Variants in SPON1 observed in about 807,000 individuals in gnomAD.
The protein encoded by SPON1 is spondin-1.
In SPON1, 52 loss-of-function variants were observed where a neutral mutation model predicts 111.7. The ratio of observed to expected loss-of-function variants is 0.47; its 90% CI spans 0.37 to 0.59. The LOEUF (loss-of-function observed/expected upper bound fraction) is 0.59, where lower values mean the gene tolerates loss of function less well. Among genes scored for constraint, SPON1 ranks in the 20% least tolerant of loss-of-function variants. The pLI, the probability that SPON1 is intolerant of heterozygous loss-of-function variation, is 0.00. For synonymous variants in SPON1, 410 were observed against 395.8 expected (o/e 1.04, Z -0.43); for missense variants, 957 against 1,068.5 (o/e 0.90, Z 1.46).
intron 2 of SPON1, among the ~76,000 whole-genome samples, chr11:13,998,266 C>T (rs1368254423): frequency 2.0e-5 from 3 of 152,128 alleles, no homozygotes; most frequent in African/African-American, 7.2e-5. Context: ...ACTAAGCCAC[C>T]AAAGGCCTGT....
At chr11:14,241,199 T>C (rs1252389459) in intron 6 of SPON1, among the ~76,000 whole-genome samples, 2 of 152,186 alleles carry the variant, frequency 1.3e-5, no homozygotes, top group Non-Finnish European at 1.5e-5. Flanking sequence ...GTAGACTGTG[T>C]TCAACATTTA....
intron 6 of SPON1, among the ~76,000 whole-genome samples, chr11:14,227,866 T>C (rs782046019): frequency 9.9e-5 from 15 of 152,218 alleles, no homozygotes; most frequent in Non-Finnish European, 1.6e-4. Context: ...ACCTGCGTAA[T>C]GTATAGATCT....
At chr11:14,141,730 T>C (rs1409332894) in intron 6 of SPON1, among the ~76,000 whole-genome samples, 13 of 152,234 alleles carry the variant, frequency 8.5e-5, no homozygotes, top group African/African-American at 2.4e-4. Flanking sequence ...CTTTAAATCA[T>C]TGGAGATGAC....
At chr11:14,152,773 T>C (rs2133869134) in intron 6 of SPON1, among the ~76,000 whole-genome samples, 1 of 152,320 alleles carries the variant, frequency 6.6e-6, no homozygotes, top group South Asian at 2.1e-4. Context: ...CATTCAAGAA[T>C]CAATGCAAAT....
chr11:14,025,900 G>A (rs2012072), intron 2 of SPON1, among the ~76,000 whole-genome samples: 45,185 of 152,032 alleles, frequency 0.3, 7,932 homozygotes, highest in South Asian at 0.5. Context: ...TTGTTCCTTT[G>A]CCTGTTTCTC....
At chr11:14,057,844 C>CAAAACAAAAAA (rs1554919409) in intron 3 of SPON1, among the ~76,000 whole-genome samples, 15,401 of 125,188 alleles carry the variant, frequency 0.12, 1,401 homozygotes, top group Middle Eastern at 0.18. Flanking sequence ...AAAAAAAAAA[C>CAAAACAAAAAA]AAAACAAAAA....
intron 6 of SPON1, among the ~76,000 whole-genome samples, chr11:14,139,709 A>ATATATAT (rs1847630328): frequency 3.4e-5 from 5 of 145,406 alleles, no homozygotes; most frequent in Admixed American, 3.4e-4. Context: ...AAACATGTAA[A>ATATATAT]ATATATATAT....
At chr11:14,239,984 T>C (rs1848907969) in intron 6 of SPON1, among the ~76,000 whole-genome samples, 1 of 152,238 alleles carries the variant, frequency 6.6e-6, no homozygotes, top group Non-Finnish European at 1.5e-5. Flanking sequence ...GCTTCACATT[T>C]TGATCACTCC....
chr11:14,173,223 C>T (rs1161873056), intron 6 of SPON1, among the ~76,000 whole-genome samples: 1 of 152,006 alleles, frequency 6.6e-6, no homozygotes, highest in African/African-American at 2.4e-5. Flanking sequence ...AACTTCTCTT[C>T]TCACTTCATT....
intron 2 of SPON1, among the ~76,000 whole-genome samples, chr11:13,987,104 G>T (rs1848191422): frequency 6.6e-6 from 1 of 152,156 alleles, no homozygotes; most frequent in African/African-American, 2.4e-5. Flanking sequence ...GGGTCAAATG[G>T]TATTTCTAGA....
chr11:14,138,778 G>T lies in SPON1; in HGVS notation c.825+3210G>T, dbSNP rs183239346. 4.5e-4 allele frequency among the ~76,000 whole-genome samples: 68 copies of T among 152,258 alleles called. 1 individual carries two copies. Among genetic ancestry groups the T allele is most frequent in the Admixed American group, 4.2e-3 (64 of 15,290 alleles). On this transcript the variant is annotated intron_variant, in intron 6 of 15. Coordinates refer to ENST00000576479, the MANE Select transcript of SPON1 (RefSeq NM_006108.4). ...TTTCTGGCATGTTTACTAAGTGTCT[G>T]GTTCTCTGCTGGATGCTGGCCCAAA...
chr11:14,213,418 C>G (rs535201712), intron 6 of SPON1, among the ~76,000 whole-genome samples: 1 of 150,712 alleles, frequency 6.6e-6, no homozygotes, highest in African/African-American at 2.4e-5. Flanking sequence ...ATGTTTAACT[C>G]TCCTGCTTAA....
intron 9 of SPON1, 134 bp downstream of exon 9, chr11:14,255,921 C>A: frequency 1.1e-6 from 1 of 951,620 alleles, no homozygotes; most frequent in Non-Finnish European, 1.5e-6. Context: ...TGGGCCTCCC[C>A]AGGTTTCTAA....
At position 14,086,785 on chromosome 11, in the gene SPON1, T is replaced by TTTGG. The variant is rs574932724; in HGVS notation, c.676+6770_676+6773dup. On this transcript the variant is annotated intron_variant, in intron 5 of 15. Transcript: ENST00000576479. ...TGAATCCGTCTGGTCCTGGGCTTTT[T>TTTGG]TTGGTTGGTAGGCTATTAATTAATG... 2.0e-5 allele frequency among the ~76,000 whole-genome samples: 3 copies of TTTGG among 152,314 alleles called. No homozygotes were observed. The South Asian group carries it at 6.2e-4, about 32-fold the overall frequency.
intron 2 of SPON1, among the ~76,000 whole-genome samples, chr11:14,003,845 C>T (rs1554912765): frequency 6.6e-6 from 1 of 152,208 alleles, no homozygotes; most frequent in African/African-American, 2.4e-5. Context: ...TACAATTTTT[C>T]ATCCTCATGC....
intron 1 of SPON1, among the ~76,000 whole-genome samples, chr11:13,977,884 T>C (rs1330749574): frequency 6.6e-6 from 1 of 152,192 alleles, no homozygotes; most frequent in African/African-American, 2.4e-5. Context: ...TACCTTTTTC[T>C]GCATGGTCAT....
chr11:14,245,408 C>A (rs1848978178), intron 7 of SPON1, among the ~76,000 whole-genome samples: 1 of 152,204 alleles, frequency 6.6e-6, no homozygotes, highest in Non-Finnish European at 1.5e-5. Flanking sequence ...CAGGTTTTCC[C>A]TTTGCACAAG....
At chr11:14,161,287 T>TTATATATATCTA (rs1847959630) in intron 6 of SPON1, among the ~76,000 whole-genome samples, 3 of 60,008 alleles carry the variant, frequency 5.0e-5, no homozygotes, top group African/African-American at 1.1e-4. Context: ...CTATATATAT[T>TTATATATATCTA]TATATATTTA....
rs554149867 is a variant in SPON1, at chr11:14,068,435, C to A, written c.480-6910C>A. 3.3e-5 allele frequency among the ~76,000 whole-genome samples: 5 copies of A among 152,240 alleles called. No individual in the cohort carries two copies. The East Asian group carries it at 7.7e-4, about 24-fold the overall frequency. On this transcript the variant is annotated intron_variant, in intron 3 of 15. Coordinates refer to ENST00000576479, the MANE Select transcript of SPON1 (RefSeq NM_006108.4). The stretch of plus-strand genomic sequence containing the variant: ...GTTGTAGTCTTGTTAAGAGCCTAAC[C>A]GACCTCTTACCCAAATTCTGGTAAT...
Sources: allele counts gnomAD v4.1 joint callset (sites outside exome capture counted in the v4.1 genomes callset), GRCh38; gene constraint gnomAD v4.1.1; transcripts MANE v1.5; gene names NCBI Gene and HGNC (gene_info 2026-07-23, HGNC 2026-07-21).